Variants in SYNE3 observed in about 807,000 individuals in gnomAD.
SYNE3 encodes the protein spectrin repeat containing nuclear envelope family member 3.
SYNE3 carries 100 observed loss-of-function variants against 111.2 expected under a neutral mutation model. The ratio of observed to expected loss-of-function variants is 0.90; its 90% CI spans 0.77 to 1.06. The LOEUF (loss-of-function observed/expected upper bound fraction) is 1.06, where lower values mean the gene tolerates loss of function less well. Ranked by LOEUF, SYNE3 falls within the 50% of genes least tolerant of loss-of-function variation. The probability of loss-of-function intolerance (pLI) is 0.00; values close to 1 mark genes in which losing one functional copy is unlikely to be tolerated. For synonymous variants in SYNE3, 547 were observed against 533.9 expected (o/e 1.02, Z -0.34); for missense variants, 1,160 against 1,240.3 (o/e 0.94, Z 0.97).
At chr14:95,484,746 C>T (rs1376708714) in intron 1 of SYNE3, among the ~76,000 whole-genome samples, 1 of 152,170 alleles carries the variant, frequency 6.6e-6, no homozygotes. Context: ...TATCACAGTG[C>T]CTCTCATGGA....
chr14:95,433,203 C>A (rs150995664), intron 16 of SYNE3, 57 bp downstream of exon 16: 11 of 1,578,590 alleles, frequency 7.0e-6, no homozygotes, highest in South Asian at 2.3e-5. Context: ...CAGGCAAATA[C>A]GGCCCAGCTA....
At chr14:95,471,624 C>T (rs749434189) in intron 2 of SYNE3, among the ~76,000 whole-genome samples, 16 of 152,156 alleles carry the variant, frequency 1.1e-4, no homozygotes, top group Admixed American at 2.0e-4. Context: ...CTGGAAAAGC[C>T]GAATTTTGAG....
At chr14:95,444,279 G>A (rs1886574696) in intron 10 of SYNE3, 1 of 592,820 alleles carries the variant, frequency 1.7e-6, no homozygotes, top group African/African-American at 1.9e-5. Context: ...ATTTTGCTGA[G>A]CTCAAGACTC....
chr14:95,468,372 T>C lies in SYNE3; in HGVS notation c.145-405A>G, dbSNP rs1888324879. On this transcript the variant is annotated intron_variant, in intron 2 of 17. Transcript: ENST00000682763. ...TGCATGTGAGGTACATGTTTCAGTG[T>C]GCAGCGTGAGCATCTACCTCTCAGG... 1.3e-5 allele frequency among the ~76,000 whole-genome samples: 2 copies of C among 152,224 alleles called. 1 individual carries two copies. Among genetic ancestry groups the C allele is most frequent in the South Asian group, 4.1e-4 (2 of 4,836 alleles).
chr14:95,505,356 G>C (rs17092603), intron 1 of SYNE3, among the ~76,000 whole-genome samples: 9,028 of 152,178 alleles, frequency 0.059, 887 homozygotes, highest in African/African-American at 0.2. Flanking sequence ...AAGCCACACC[G>C]GGAAACCCTG....
At chr14:95,487,069 C>G (rs1053854641) in intron 1 of SYNE3, among the ~76,000 whole-genome samples, 1 of 152,182 alleles carries the variant, frequency 6.6e-6, no homozygotes, top group African/African-American at 2.4e-5. Flanking sequence ...GTCCTTCCCC[C>G]ACTCTGCCCC....
At chr14:95,428,532 G>A (rs111287778) in intron 17 of SYNE3, among the ~76,000 whole-genome samples, 2,647 of 152,286 alleles carry the variant, frequency 0.017, 88 homozygotes, top group African/African-American at 0.059. Flanking sequence ...CATATGAAAT[G>A]GATGGGAGAT....
Position 95,439,307 on chromosome 14 carries a change from A to G in SYNE3, c.2247-145T>C, listed in dbSNP as rs1230964388. ...GTGAGAATGTTCCTGAGGCATGCTC[A>G]CATCCGGTTTCTGACTTTAAACTCA... On this transcript the variant is annotated intron_variant, in intron 13 of 17. Transcript: ENST00000682763. 2.4e-6 allele frequency: 3 copies of G among 1,267,408 alleles called. No individual in the cohort carries two copies. In the African/African-American group the frequency reaches 4.4e-5, roughly 19 times the overall value. The allele number at this position is 1,267,408 out of a possible 1,614,324, so 78.5% of individuals were successfully genotyped here. A position where few individuals can be genotyped will look rare whatever the true frequency, so the allele number is the denominator to read the frequency against.
At chr14:95,425,244 A>C (rs1015460007) in intron 17 of SYNE3, among the ~76,000 whole-genome samples, 2 of 10,816 alleles carry the variant, frequency 1.8e-4, no homozygotes, top group African/African-American at 3.7e-4. Flanking sequence ...AGACTCCATC[A>C]AAAAAAAAAA....
At chr14:95,501,923 C>T (rs139751475) in intron 1 of SYNE3, among the ~76,000 whole-genome samples, 3 of 152,086 alleles carry the variant, frequency 2.0e-5, no homozygotes, top group East Asian at 1.9e-4. Flanking sequence ...CAGACTCTTG[C>T]GGGGGCACAC....
Position 95,466,175 on chromosome 14 carries a change from C to T in SYNE3, c.383G>A (p.Trp128Ter). The change falls in exon 4 of 18, where the codon TGG becomes TAG. Residue 128 changes from tryptophan to a stop codon, truncating the protein, a stop_gained. Transcript: ENST00000682763. LOFTEE classifies it high-confidence loss of function. ...YLLARDEFYR[W>*]FQKMMVTLEP... is the part of the protein sequence containing the mutation. ...CAGTGTGACCATCATCTTCTGGAAC[C>T]AGCGGTAGAACTCATCTCGGGCCAG... The T allele has an allele frequency of 6.2e-7, 1 of 1,604,938 alleles. No homozygotes were observed. Among genetic ancestry groups the T allele is most frequent in the South Asian group, 1.1e-5 (1 of 90,814 alleles).
At chr14:95,424,472 A>C (rs1885326345) in intron 17 of SYNE3, among the ~76,000 whole-genome samples, 1 of 152,208 alleles carries the variant, frequency 6.6e-6, no homozygotes, top group South Asian at 2.1e-4. Flanking sequence ...TTGTATTTCT[A>C]GTGCCTCTAC....
chr14:95,442,234 G>A (rs559397818), intron 11 of SYNE3, among the ~76,000 whole-genome samples: 3 of 152,300 alleles, frequency 2.0e-5, no homozygotes, highest in South Asian at 2.1e-4. Context: ...CAGCATTTGC[G>A]GCTGTCACAC....
intron 17 of SYNE3, chr14:95,430,004 A>AAGGG (rs1407838706): frequency 1.7e-5 from 3 of 180,926 alleles, no homozygotes; most frequent in African/African-American, 5.0e-5. Flanking sequence ...GGAAGGAAAG[A>AAGGG]AGGGAGGGAG....
At chr14:95,510,866 G>A (rs1028354129) in intron 1 of SYNE3, among the ~76,000 whole-genome samples, 3 of 152,212 alleles carry the variant, frequency 2.0e-5, no homozygotes, top group Admixed American at 6.5e-5. Flanking sequence ...CACAAAGGCA[G>A]TGGGCTTCCT....
intron 1 of SYNE3, 43 bp from the exon 2 acceptor site, chr14:95,475,878 G>C: frequency 7.1e-7 from 1 of 1,400,198 alleles, no homozygotes. Flanking sequence ...CAGGAATGTA[G>C]GGGGCTGCAA....
intron 1 of SYNE3, among the ~76,000 whole-genome samples, chr14:95,507,165 G>A (rs1890559006): frequency 1.3e-5 from 2 of 152,188 alleles, no homozygotes; most frequent in Admixed American, 6.5e-5. Flanking sequence ...GCCCCGCCCA[G>A]CCCCCTGAGC....
chr14:95,465,653 A>G (rs1046143813), intron 4 of SYNE3, among the ~76,000 whole-genome samples: 1 of 151,954 alleles, frequency 6.6e-6, no homozygotes, highest in African/African-American at 2.4e-5. Context: ...ACATGGATGA[A>G]CAAATGGTGG....
At chr14:95,482,277 T>A (rs963868701) in intron 1 of SYNE3, among the ~76,000 whole-genome samples, 7 of 152,028 alleles carry the variant, frequency 4.6e-5, no homozygotes, top group Non-Finnish European at 1.0e-4. Flanking sequence ...CTACTAAAAA[T>A]ACAAAAATTA....
Sources: gnomAD v4.1 joint callset for allele counts (sites outside exome capture counted in the v4.1 genomes callset) on GRCh38, gnomAD v4.1.1 for gene constraint, MANE v1.5 for transcripts, NCBI Gene and HGNC (gene_info 2026-07-23, HGNC 2026-07-21) for gene names.